The following SEMA3A variants were observed in gnomAD, a reference collection of about 807,000 sequenced individuals.
SEMA3A encodes the protein semaphorin-3A.
Under a neutral mutation model 97.9 loss-of-function variants are expected in SEMA3A, and 29 were observed. The ratio of observed to expected loss-of-function variants is 0.30; its 90% CI spans 0.22 to 0.40. The LOEUF (loss-of-function observed/expected upper bound fraction) is 0.40, where lower values mean the gene tolerates loss of function less well. Among genes scored for constraint, SEMA3A ranks in the 10% least tolerant of loss-of-function variants. The probability of loss-of-function intolerance (pLI) is 1.00; values close to 1 mark genes in which losing one functional copy is unlikely to be tolerated. For synonymous variants in SEMA3A, 321 were observed against 323.7 expected (o/e 0.99, Z 0.09); for missense variants, 763 against 951.3 (o/e 0.80, Z 2.60).
intron 1 of SEMA3A, among the ~76,000 whole-genome samples, chr7:84,176,626 A>C (rs1483870769): frequency 1.3e-5 from 2 of 152,148 alleles, no homozygotes; most frequent in African/African-American, 4.8e-5. Context: ...CTAAAACTTG[A>C]GTGGTGTTTA....
intron 1 of SEMA3A, among the ~76,000 whole-genome samples, chr7:84,422,228 T>C (rs887063534): frequency 6.6e-6 from 1 of 152,124 alleles, no homozygotes; most frequent in Non-Finnish European, 1.5e-5. Flanking sequence ...ATTAGACTTC[T>C]TCCTGGTTTA....
intron 1 of SEMA3A, among the ~76,000 whole-genome samples, chr7:84,150,236 T>G (rs2116111095): frequency 6.6e-6 from 1 of 152,288 alleles, no homozygotes; most frequent in South Asian, 2.1e-4. Context: ...CTGTAGAAGC[T>G]GAGATTATGG....
At chr7:84,391,684 T>G (rs1164762773) in intron 1 of SEMA3A, among the ~76,000 whole-genome samples, 1 of 151,994 alleles carries the variant, frequency 6.6e-6, no homozygotes, top group Non-Finnish European at 1.5e-5. Context: ...AAATTATCCA[T>G]TGACAGGCCA....
chr7:84,312,913 TATATATATACACACAC>T (rs1801372542), intron 2 of SEMA3A, among the ~76,000 whole-genome samples: 1 of 49,726 alleles, frequency 2.0e-5, no homozygotes, highest in African/African-American at 5.7e-5. Flanking sequence ...TATATATATA[TATATATATACACACAC>T]ACACACACAC....
At chr7:84,248,650 C>T (rs965060892) in intron 3 of SEMA3A, among the ~76,000 whole-genome samples, 3 of 151,960 alleles carry the variant, frequency 2.0e-5, no homozygotes, top group Non-Finnish European at 4.4e-5. Context: ...ATAAACAGCA[C>T]GTCAGTGATT....
At chr7:84,043,027 A>C (rs1445035364) in intron 6 of SEMA3A, among the ~76,000 whole-genome samples, 1 of 152,028 alleles carries the variant, frequency 6.6e-6, no homozygotes, top group Non-Finnish European at 1.5e-5. Context: ...TATAATACTG[A>C]GAGAATTTAT....
At position 84,306,116 on chromosome 7, in the gene SEMA3A, A is replaced by T. The variant is rs113499120; in HGVS notation, c.-83+1091T>A. ...ATACCAATTCAATATGAACTCTAAC[A>T]ATTTCAACATACTTCTTAAATCAGT... On this transcript the variant is annotated intron_variant, in intron 3 of 3. Coordinates refer to the SEMA3A transcript ENST00000424555. 3.3e-5 allele frequency among the ~76,000 whole-genome samples: 5 copies of T among 151,974 alleles called. 1 individual carries two copies. Among genetic ancestry groups the T allele is most frequent in the African/African-American group, 1.2e-4 (5 of 41,540 alleles).
chr7:84,389,699 C>T (rs963467869), intron 1 of SEMA3A, among the ~76,000 whole-genome samples: 2 of 152,058 alleles, frequency 1.3e-5, no homozygotes, highest in African/African-American at 4.8e-5. Flanking sequence ...TTTAAAGTAG[C>T]CATTGTAGGG....
chr7:84,417,401 G>C (rs1229037595), intron 1 of SEMA3A, among the ~76,000 whole-genome samples: 1 of 151,970 alleles, frequency 6.6e-6, no homozygotes, highest in Non-Finnish European at 1.5e-5. Context: ...ATGATAGAAG[G>C]CAGAGACATT....
intron 1 of SEMA3A, among the ~76,000 whole-genome samples, chr7:84,476,356 C>A (rs1200704475): frequency 4.8e-5 from 7 of 144,498 alleles, no homozygotes; most frequent in Non-Finnish European, 1.1e-4. Flanking sequence ...AAGACTCCAT[C>A]TCAAAAAAAA....
intron 1 of SEMA3A, among the ~76,000 whole-genome samples, chr7:84,484,478 G>C: frequency 6.6e-6 from 1 of 151,836 alleles, no homozygotes; most frequent in Middle Eastern, 3.4e-3. Flanking sequence ...TCACTGTGGA[G>C]TATCTAATAG....
At chr7:83,964,678 T>A (rs1788601286) in intron 15 of SEMA3A, among the ~76,000 whole-genome samples, 1 of 152,188 alleles carries the variant, frequency 6.6e-6, no homozygotes, top group African/African-American at 2.4e-5. Context: ...ACAAAACTCT[T>A]CCAATATTGG....
intron 4 of SEMA3A, among the ~76,000 whole-genome samples, chr7:84,067,608 C>A (rs1008733991): frequency 6.6e-6 from 1 of 152,044 alleles, no homozygotes; most frequent in Non-Finnish European, 1.5e-5. Flanking sequence ...AAAAAGTTGG[C>A]GAAGGACATG....
chr7:84,084,509 C>T (rs546358255), intron 4 of SEMA3A, among the ~76,000 whole-genome samples: 17 of 149,846 alleles, frequency 1.1e-4, no homozygotes, highest in Middle Eastern at 3.5e-3. Context: ...TCAGTTTGTT[C>T]GACAGACTGT....
intron 1 of SEMA3A, among the ~76,000 whole-genome samples, chr7:84,422,169 C>A (rs904286259): frequency 3.3e-5 from 5 of 151,922 alleles, no homozygotes; most frequent in African/African-American, 1.2e-4. Context: ...GGTTGGTAGG[C>A]TATTAATTAC....
At chr7:84,007,967 C>G (rs1347175033) in intron 9 of SEMA3A, among the ~76,000 whole-genome samples, 1 of 152,134 alleles carries the variant, frequency 6.6e-6, no homozygotes, top group East Asian at 1.9e-4. Context: ...TGATGTGCCA[C>G]ATTATATTAT....
chr7:84,172,815 T>C (rs762251306), intron 1 of SEMA3A, among the ~76,000 whole-genome samples: 1 of 152,232 alleles, frequency 6.6e-6, no homozygotes, highest in South Asian at 2.1e-4. Flanking sequence ...CCACAGACTA[T>C]GATTTACCAA....
chr7:84,471,609 A>C (rs1406634192), intron 1 of SEMA3A, among the ~76,000 whole-genome samples: 1 of 152,042 alleles, frequency 6.6e-6, no homozygotes, highest in Non-Finnish European at 1.5e-5. Flanking sequence ...GAGGGACAAA[A>C]ATAGAAATTG....
chr7:84,272,475 T>G (rs1300199031), intron 3 of SEMA3A, among the ~76,000 whole-genome samples: 3 of 151,962 alleles, frequency 2.0e-5, no homozygotes, highest in Non-Finnish European at 4.4e-5. Context: ...AGAAAAAAAT[T>G]TGTTTTTCTA....
Sources: gnomAD v4.1 joint callset for allele counts (sites outside exome capture counted in the v4.1 genomes callset) on GRCh38, gnomAD v4.1.1 for gene constraint, MANE v1.5 for transcripts, NCBI Gene and HGNC (gene_info 2026-07-23, HGNC 2026-07-21) for gene names.